CAPZA2: variants seen among roughly 807,000 people sequenced by gnomAD.
The protein encoded by CAPZA2 is capping actin protein of muscle Z-line subunit alpha 2.
CAPZA2 carries 13 observed loss-of-function variants against 44.0 expected under a neutral mutation model. That is an observed-to-expected ratio of 0.30 (90% confidence interval 0.19 to 0.47). The LOEUF (loss-of-function observed/expected upper bound fraction) is 0.47. Ranked by LOEUF, CAPZA2 falls within the 20% of genes least tolerant of loss-of-function variation. The probability of loss-of-function intolerance (pLI) is 1.00; values close to 1 mark genes in which losing one functional copy is unlikely to be tolerated. For synonymous variants in CAPZA2, 94 were observed against 108.2 expected (o/e 0.87, Z 0.81); for missense variants, 244 against 338.6 (o/e 0.72, Z 2.19).
intron 1 of CAPZA2, among the ~76,000 whole-genome samples, chr7:116,876,755 C>A (rs1313315336): frequency 6.6e-6 from 1 of 152,160 alleles, no homozygotes; most frequent in Non-Finnish European, 1.5e-5. Context: ...ACAGAACATA[C>A]AAAACCTGAC....
At chr7:116,892,902 GGAGGTGTTAATACATCACCAAAACAATCT>G (rs1796868399) in intron 2 of CAPZA2, 63 bp from the exon 3 acceptor site, 1 of 643,466 alleles carries the variant, frequency 1.6e-6, no homozygotes, top group South Asian at 2.8e-5. Flanking sequence ...GTTTGGGGTG[GGAGGTGTTAATACATCACCAAAACAATCT>G]GCGTTCATTA....
At chr7:116,870,447 C>G (rs1796538027) in intron 1 of CAPZA2, among the ~76,000 whole-genome samples, 1 of 152,154 alleles carries the variant, frequency 6.6e-6, no homozygotes, top group South Asian at 2.1e-4. Flanking sequence ...ATAAGAGATG[C>G]AAAGGTGAAT....
At chr7:116,889,470 C>A (rs1281222307) in intron 2 of CAPZA2, among the ~76,000 whole-genome samples, 1 of 150,900 alleles carries the variant, frequency 6.6e-6, no homozygotes, top group Non-Finnish European at 1.5e-5. Context: ...TCCTGTAATC[C>A]CAACACTTTG....
intron 1 of CAPZA2, among the ~76,000 whole-genome samples, chr7:116,883,034 G>A (rs1364956620): frequency 6.6e-6 from 1 of 152,118 alleles, no homozygotes; most frequent in African/African-American, 2.4e-5. Flanking sequence ...ACTCCAGTTT[G>A]TCCAGAATTG....
At chr7:116,882,887 C>T (rs1796719279) in intron 1 of CAPZA2, among the ~76,000 whole-genome samples, 1 of 152,170 alleles carries the variant, frequency 6.6e-6, no homozygotes, top group African/African-American at 2.4e-5. Flanking sequence ...GTATGCTTGT[C>T]AGCTGCCAGG....
intron 1 of CAPZA2, among the ~76,000 whole-genome samples, chr7:116,868,626 C>T (rs112204530): frequency 6.6e-6 from 1 of 151,982 alleles, no homozygotes; most frequent in Non-Finnish European, 1.5e-5. Flanking sequence ...CCCAGCTACT[C>T]GGGAGGCCGA....
At chr7:116,868,401 G>A (rs940174721) in intron 1 of CAPZA2, among the ~76,000 whole-genome samples, 21 of 152,160 alleles carry the variant, frequency 1.4e-4, no homozygotes, top group African/African-American at 3.9e-4. Context: ...AACAATATAA[G>A]CTGCCATTGT....
At position 116,888,206 on chromosome 7, in the gene CAPZA2, A is replaced by G. The variant is rs1187920704; in HGVS notation, c.103+16A>G. The G allele has an allele frequency of 8.3e-6, 13 of 1,559,248 alleles. No homozygotes were observed. The highest frequency in any genetic ancestry group is 1.7e-4 in the Middle Eastern group (1 of 5,962). On this transcript the variant is annotated intron_variant, in intron 2 of 9. Transcript: ENST00000361183. Reference sequence around the variant, plus strand: ...GTTTTCAATGGTGAGTGTTTGATTTATAACACTAGGCTTGATATATCAAGC... The same window carrying G: ...GTTTTCAATGGTGAGTGTTTGATTTGTAACACTAGGCTTGATATATCAAGC...
At chr7:116,890,655 G>A (rs1796833600) in intron 2 of CAPZA2, among the ~76,000 whole-genome samples, 2 of 136,466 alleles carry the variant, frequency 1.5e-5, no homozygotes, top group Admixed American at 7.6e-5. Flanking sequence ...TGCATGCCTG[G>A]GAATCCCAGC....
intron 1 of CAPZA2, among the ~76,000 whole-genome samples, chr7:116,882,545 T>C (rs886797265): frequency 6.6e-6 from 1 of 152,134 alleles, no homozygotes; most frequent in Non-Finnish European, 1.5e-5. Context: ...TTGACAGTAA[T>C]ACGTTTGTAT....
chr7:116,880,165 T>C (rs577683346), intron 1 of CAPZA2: 13 of 460,988 alleles, frequency 2.8e-5, no homozygotes, highest in Non-Finnish European at 5.8e-5. Context: ...TATTTAACCA[T>C]AGATGCCATA....
At chr7:116,881,725 T>G (rs1796705768) in intron 1 of CAPZA2, among the ~76,000 whole-genome samples, 1 of 117,710 alleles carries the variant, frequency 8.5e-6, no homozygotes, top group African/African-American at 3.5e-5. Context: ...GGCAGCAGAG[T>G]GAGACTCTGT....
At chr7:116,880,695 CCTT>C in intron 1 of CAPZA2, among the ~76,000 whole-genome samples, 1 of 43,698 alleles carries the variant, frequency 2.3e-5, no homozygotes, top group Non-Finnish European at 4.8e-5. Context: ...CTGTAACCTG[CCTT>C]TTTTTTTTTT....
intron 3 of CAPZA2, among the ~76,000 whole-genome samples, chr7:116,896,757 A>T (rs1038372215): frequency 6.6e-6 from 1 of 152,264 alleles, no homozygotes; most frequent in East Asian, 1.9e-4. Context: ...GCTTATAGTA[A>T]TAAGAGCTCA....
intron 2 of CAPZA2, among the ~76,000 whole-genome samples, chr7:116,892,208 G>A (rs570622862): frequency 6.6e-6 from 1 of 152,134 alleles, no homozygotes; most frequent in Non-Finnish European, 1.5e-5. Context: ...GTTTCTTAAT[G>A]GAAGATATTT....
intron 1 of CAPZA2, among the ~76,000 whole-genome samples, chr7:116,885,339 G>A (rs964058764): frequency 8.6e-5 from 12 of 139,496 alleles, no homozygotes; most frequent in African/African-American, 3.2e-4. Context: ...TTTTTTTTTT[G>A]TATTCTCCCA....
chr7:116,881,808 G>C (rs1796707635), intron 1 of CAPZA2, among the ~76,000 whole-genome samples: 1 of 150,642 alleles, frequency 6.6e-6, no homozygotes, highest in Non-Finnish European at 1.5e-5. Flanking sequence ...CCCTGGTCCA[G>C]GATCTAAACC....
chr7:116,912,413 C>T (rs1471222788), intron 8 of CAPZA2, among the ~76,000 whole-genome samples: 1 of 151,870 alleles, frequency 6.6e-6, no homozygotes, highest in Non-Finnish European at 1.5e-5. Context: ...TCACCACAAT[C>T]TAATTTTAGA....
chr7:116,891,920 CAT>C (rs1796851005), intron 2 of CAPZA2, among the ~76,000 whole-genome samples: 1 of 152,122 alleles, frequency 6.6e-6, no homozygotes, highest in Non-Finnish European at 1.5e-5. Context: ...GATTCATAGT[CAT>C]TGTAAACTTT....
Sources: gnomAD v4.1 joint callset for allele counts (sites outside exome capture counted in the v4.1 genomes callset) on GRCh38, gnomAD v4.1.1 for gene constraint, MANE v1.5 for transcripts, NCBI Gene and HGNC (gene_info 2026-07-23, HGNC 2026-07-21) for gene names.